Variants in ROR1 observed in about 807,000 individuals in gnomAD.
ROR1 encodes ROR family WNT receptor 1, also known as inactive tyrosine-protein kinase transmembrane receptor ROR1.
A neutral mutation model predicts 78.8 loss-of-function variants in ROR1; 19 were observed. That is an observed-to-expected ratio of 0.24 (90% CI 0.17 to 0.35). ROR1 has a LOEUF of 0.35. Among genes scored for constraint, ROR1 ranks in the 10% least tolerant of loss-of-function variants. The pLI is 1.00. For synonymous variants in ROR1, 386 were observed against 433.6 expected (o/e 0.89, Z 1.36); for missense variants, 917 against 1,177.8 (o/e 0.78, Z 3.24).
chr1:64,061,098 G>C (rs781652412), intron 4 of ROR1, among the ~76,000 whole-genome samples: 1 of 152,160 alleles, frequency 6.6e-6, no homozygotes, highest in Non-Finnish European at 1.5e-5. Flanking sequence ...AGTAATGAAT[G>C]TATCTCCCAC....
intron 4 of ROR1, among the ~76,000 whole-genome samples, chr1:64,085,024 G>A (rs187811511): frequency 4.8e-4 from 73 of 152,222 alleles, no homozygotes; most frequent in African/African-American, 1.6e-3. Flanking sequence ...AAGCAGTCTT[G>A]GCCAAAATCA....
At chr1:64,173,594 C>T (rs571637178) in intron 8 of ROR1, among the ~76,000 whole-genome samples, 6 of 152,280 alleles carry the variant, frequency 3.9e-5, no homozygotes, top group African/African-American at 1.2e-4. Flanking sequence ...GTGGCTCTTT[C>T]GGCTCTCCTG....
At chr1:63,861,595 G>A (rs1413056181) in intron 1 of ROR1, among the ~76,000 whole-genome samples, 1 of 152,174 alleles carries the variant, frequency 6.6e-6, no homozygotes, top group East Asian at 1.9e-4. Context: ...TGAACTGACT[G>A]TGCTCAGGAA....
At chr1:64,089,976 G>A (rs904049022) in intron 4 of ROR1, among the ~76,000 whole-genome samples, 1 of 152,032 alleles carries the variant, frequency 6.6e-6, no homozygotes, top group Non-Finnish European at 1.5e-5. Context: ...CTGCCACCAT[G>A]TAAGACACTT....
chr1:64,011,998 A>G (rs12087775), intron 2 of ROR1, among the ~76,000 whole-genome samples: 4,528 of 152,320 alleles, frequency 0.03, 251 homozygotes, highest in African/African-American at 0.1. Flanking sequence ...TTCCAATCAC[A>G]GAGAGATACT....
At position 63,981,463 on chromosome 1, in the gene ROR1, A is replaced by G. The variant is rs1009727229; in HGVS notation, c.92-27842A>G. Among the ~76,000 whole-genome samples the G allele has an allele frequency of 7.2e-5, 11 of 152,270 alleles. No individual in the cohort carries two copies. The South Asian group carries it at 2.3e-3, about 32-fold the overall frequency. ...CCAGATTGGTGCCCATTTTAAGGGC[A>G]GGGTTTCCTTGATGAGGTTGTTCTC... On this transcript the variant is annotated intron_variant, in intron 1 of 8. Coordinates refer to ENST00000371079, the MANE Select transcript of ROR1 (RefSeq NM_005012.4).
intron 4 of ROR1, among the ~76,000 whole-genome samples, chr1:64,122,726 T>C (rs1320032274): frequency 1.3e-5 from 2 of 152,198 alleles, no homozygotes; most frequent in Non-Finnish European, 2.9e-5. Context: ...TTGAACGATG[T>C]TCTCATTTCC....
intron 1 of ROR1, among the ~76,000 whole-genome samples, chr1:63,916,246 A>T (rs705529): frequency 1.3e-5 from 2 of 152,084 alleles, no homozygotes; most frequent in African/African-American, 2.4e-5. Context: ...TCTGGCTACC[A>T]TTGTTGAAGG....
At chr1:63,877,956 T>C (rs7520663) in intron 1 of ROR1, among the ~76,000 whole-genome samples, 18,733 of 152,098 alleles carry the variant, frequency 0.12, 1,253 homozygotes, top group Non-Finnish European at 0.15. Flanking sequence ...AGGGTAAAAG[T>C]TTTCTTAACC....
chr1:64,090,600 AC>A (rs1180428784), intron 4 of ROR1, among the ~76,000 whole-genome samples: 1 of 151,802 alleles, frequency 6.6e-6, no homozygotes, highest in Non-Finnish European at 1.5e-5. Flanking sequence ...ATTAGTTCCG[AC>A]CCCACGTGGC....
intron 7 of ROR1, among the ~76,000 whole-genome samples, chr1:64,146,997 C>T (rs1427814535): frequency 6.6e-6 from 1 of 152,200 alleles, no homozygotes; most frequent in Admixed American, 6.5e-5. Flanking sequence ...TCTGACCAAA[C>T]TCAAAGCTCA....
chr1:64,125,411 T>A (rs1216429486), intron 4 of ROR1, among the ~76,000 whole-genome samples: 1 of 152,208 alleles, frequency 6.6e-6, no homozygotes, highest in Non-Finnish European at 1.5e-5. Flanking sequence ...GATGTTTATG[T>A]CTTTTCACAA....
At chr1:63,947,803 T>C (rs1645902399) in intron 1 of ROR1, among the ~76,000 whole-genome samples, 1 of 152,210 alleles carries the variant, frequency 6.6e-6, no homozygotes, top group Non-Finnish European at 1.5e-5. Context: ...GCCCTCCTGA[T>C]ACCTGATACC....
chr1:63,834,364 G>GAT (rs1228308737), intron 1 of ROR1, among the ~76,000 whole-genome samples: 1 of 152,026 alleles, frequency 6.6e-6, no homozygotes. Context: ...CCTGTATACG[G>GAT]ATGTATAAGA....
At chr1:64,078,627 G>A (rs182482001) in intron 4 of ROR1, among the ~76,000 whole-genome samples, 4 of 152,296 alleles carry the variant, frequency 2.6e-5, no homozygotes, top group Admixed American at 1.3e-4. Flanking sequence ...CGGACAGAGA[G>A]TGACTAGTGG....
In ROR1 at chr1:63,938,596, T is replaced by A. The variant is rs144104158; in HGVS notation, c.92-70709T>A. ...GCTTCACAAATACTGATCGGATTGC[T>A]GTTCAATGAAATCTCCGTGAAGCCC... On this transcript the variant is annotated intron_variant, in intron 1 of 8. Transcript: ENST00000371079. Among the ~76,000 whole-genome samples the A allele has an allele frequency of 4.6e-5, 7 of 152,334 alleles. 1 individual carries two copies. Among genetic ancestry groups the A allele is most frequent in the African/African-American group, 1.4e-4 (6 of 41,570 alleles).
chr1:64,101,494 C>A (rs369913512), intron 4 of ROR1, among the ~76,000 whole-genome samples: 1 of 152,018 alleles, frequency 6.6e-6, no homozygotes, highest in South Asian at 2.1e-4. Flanking sequence ...AAGCTCCTGA[C>A]GAAGAAGGGC....
chr1:63,856,210 T>C (rs1225139517), intron 1 of ROR1, among the ~76,000 whole-genome samples: 3 of 152,172 alleles, frequency 2.0e-5, no homozygotes. Context: ...CCTACAAATA[T>C]TTTTGAACTT....
At chr1:64,031,855 G>GTGTT (rs887749156) in intron 2 of ROR1, among the ~76,000 whole-genome samples, 1 of 151,338 alleles carries the variant, frequency 6.6e-6, no homozygotes. Context: ...TTGTGTGTGT[G>GTGTT]TGTTTGTGTG....
Sources: allele counts gnomAD v4.1 joint callset (sites outside exome capture counted in the v4.1 genomes callset), GRCh38; gene constraint gnomAD v4.1.1; transcripts MANE v1.5; gene names NCBI Gene and HGNC (gene_info 2026-07-23, HGNC 2026-07-21).